Variants in RBM26 observed in about 807,000 individuals in gnomAD.
RBM26 encodes RNA binding motif protein 26.
Under a neutral mutation model 123.6 loss-of-function variants are expected in RBM26, and 30 were observed. The observed-to-expected ratio is 0.24, with a 90% CI of 0.18 to 0.33. The LOEUF is 0.33. Among genes scored for constraint, RBM26 ranks in the 10% least tolerant of loss-of-function variants. The pLI is 1.00. For synonymous variants in RBM26, 400 were observed against 404.4 expected (o/e 0.99, Z 0.13); for missense variants, 947 against 1,203.6 (o/e 0.79, Z 3.15).
chr13:79,375,081 T>TATATAAATATATATTTATATC (rs2076537649), intron 3 of RBM26, among the ~76,000 whole-genome samples: 13 of 104,366 alleles, frequency 1.2e-4, no homozygotes, highest in East Asian at 1.0e-3. Context: ...TTATATGATA[T>TATATAAATATATATTTATATC]ATATAAATAT....
intron 20 of RBM26, among the ~76,000 whole-genome samples, chr13:79,324,170 G>A (rs76363186): frequency 0.028 from 4,314 of 151,602 alleles, 166 homozygotes; most frequent in African/African-American, 0.085. Context: ...TGAGGAATTC[G>A]GAGTTAAATC....
intron 17 of RBM26, 55 bp downstream of exon 17, chr13:79,342,609 T>C: frequency 7.4e-7 from 1 of 1,347,676 alleles, no homozygotes; most frequent in Non-Finnish European, 1.0e-6. Flanking sequence ...CTTAAAAATG[T>C]AGTGTCTAAT....
intron 16 of RBM26, among the ~76,000 whole-genome samples, chr13:79,343,228 A>C (rs1328520909): frequency 6.6e-6 from 1 of 151,898 alleles, no homozygotes; most frequent in Non-Finnish European, 1.5e-5. Flanking sequence ...TCTCCAGCCC[A>C]GAAAGAACCA....
At chr13:79,335,656 T>C (rs2070234920) in intron 19 of RBM26, among the ~76,000 whole-genome samples, 1 of 152,154 alleles carries the variant, frequency 6.6e-6, no homozygotes, top group African/African-American at 2.4e-5. Flanking sequence ...ATGTGAACTT[T>C]GGAGTGAAAT....
Position 79,320,225 on chromosome 13 carries a change from C to T in RBM26, c.*396G>A. The T allele has an allele frequency of 1.0e-6, 1 of 961,770 alleles. No homozygotes were observed. The highest frequency in any genetic ancestry group is 1.2e-6 in the Non-Finnish European group (1 of 807,696). 59.6% of individuals were successfully genotyped at this position (961,770 alleles called of 1,614,324 possible). ...TATGTTATCTATTCAGTTTTGAAAACATTCATTAAGATTTTAAATGCAAAT... is the reference window on the plus strand; with the variant it reads ...TATGTTATCTATTCAGTTTTGAAAATATTCATTAAGATTTTAAATGCAAAT... On this transcript the variant is annotated 3_prime_UTR_variant, in exon 22 of 22. Transcript: ENST00000438737.
intron 19 of RBM26, among the ~76,000 whole-genome samples, chr13:79,336,849 C>G (rs968553228): frequency 8.5e-5 from 13 of 152,258 alleles, no homozygotes; most frequent in Non-Finnish European, 1.9e-4. Context: ...CTCTCTGAAA[C>G]AGCAAAGTTT....
intron 1 of RBM26, among the ~76,000 whole-genome samples, chr13:79,387,097 T>C (rs1169683597): frequency 2.0e-5 from 3 of 152,256 alleles, no homozygotes; most frequent in Middle Eastern, 3.4e-3. Context: ...TCTTTAAAAA[T>C]GAGAAATTAT....
At chr13:79,346,499 A>G (rs1248980176) in intron 14 of RBM26, among the ~76,000 whole-genome samples, 1 of 152,008 alleles carries the variant, frequency 6.6e-6, no homozygotes, top group African/African-American at 2.4e-5. Context: ...CAGCCTCCCA[A>G]GTAGCTGGGA....
chr13:79,364,914 T>G (rs982624836), intron 9 of RBM26, among the ~76,000 whole-genome samples: 1 of 152,164 alleles, frequency 6.6e-6, no homozygotes, highest in African/African-American at 2.4e-5. Flanking sequence ...TATTTGATTT[T>G]TCAAACTAGG....
At chr13:79,342,616 T>TA in intron 17 of RBM26, 48 bp downstream of exon 17, 1 of 1,429,588 alleles carries the variant, frequency 7.0e-7, no homozygotes, top group Non-Finnish European at 9.7e-7. Flanking sequence ...ATGTAGTGTC[T>TA]AATGCTTGTT....
rs1175624016 is a variant in RBM26 at position 79,366,094 on chromosome 13, G to A, written c.1237C>T (p.His413Tyr). ...VPTVVTTGIH[H>Y]QPPPAPPSLF... ...GAGGGTGGAGCAGGAGGAGGCTGGT[G>A]ATGAATGCCAGTTGTTACTACAGTA... The change falls in exon 8 of 22, where the codon CAC becomes TAC. Residue 413 changes from histidine to tyrosine, a missense_variant. By Grantham distance (83) the His-to-Tyr change is moderately conservative. Transcript: ENST00000438737. The A allele has an allele frequency of 6.2e-7, 1 of 1,614,078 alleles. No individual in the cohort carries two copies. The highest frequency in any genetic ancestry group is 8.5e-7 in the Non-Finnish European group (1 of 1,179,950).
In RBM26 at chr13:79,322,368, ACTT is replaced by A. The variant is rs762245288; in HGVS notation, c.2912_2914del (p.Glu971del). On this transcript the variant is annotated inframe_deletion, in exon 21 of 22. Transcript: ENST00000438737. ...ACATACTTCTTCTTCATCAGGCTCA[ACTT>A]CTTCTGTTTCAACAGCTGAAATATT... is the stretch of plus-strand genomic sequence containing the variant. The A allele has an allele frequency of 2.3e-5, 37 of 1,575,024 alleles. No individual in the cohort carries two copies. The highest frequency in any genetic ancestry group is 3.1e-5 in the Non-Finnish European group (36 of 1,163,704).
chr13:79,360,741 T>C (rs1057472973), intron 9 of RBM26, among the ~76,000 whole-genome samples: 2 of 152,138 alleles, frequency 1.3e-5, no homozygotes, highest in African/African-American at 4.8e-5. Flanking sequence ...TAAAATACAG[T>C]GTAAAAGAGC....
chr13:79,344,935 A>G (rs565164264), intron 14 of RBM26, 141 bp from the exon 15 acceptor site: 1 of 711,652 alleles, frequency 1.4e-6, no homozygotes, highest in Non-Finnish European at 2.1e-6. Context: ...TACTTATAAT[A>G]ACGAAATCAT....
intron 1 of RBM26, among the ~76,000 whole-genome samples, chr13:79,397,161 A>G (rs2078643111): frequency 6.6e-6 from 1 of 152,192 alleles, no homozygotes; most frequent in South Asian, 2.1e-4. Context: ...AGCCTGGGTG[A>G]GAGAATAAGA....
At chr13:79,401,346 TAAA>T (rs2140554216) in intron 1 of RBM26, among the ~76,000 whole-genome samples, 1 of 152,270 alleles carries the variant, frequency 6.6e-6, no homozygotes, top group South Asian at 2.1e-4. Context: ...AATGTCATAG[TAAA>T]AAAGTATATG....
chr13:79,370,646 AT>A (rs2075786214), intron 5 of RBM26, among the ~76,000 whole-genome samples: 1 of 152,182 alleles, frequency 6.6e-6, no homozygotes, highest in Non-Finnish European at 1.5e-5. Flanking sequence ...TAGTTTTAAT[AT>A]TTTTACATAC....
At chr13:79,322,133 A>G (rs2067745342) in intron 21 of RBM26, among the ~76,000 whole-genome samples, 1 of 151,480 alleles carries the variant, frequency 6.6e-6, no homozygotes, top group Non-Finnish European at 1.5e-5. Context: ...TTGAGTATAT[A>G]TATATGATTT....
At chr13:79,384,563 C>T (rs1231867098) in intron 1 of RBM26, among the ~76,000 whole-genome samples, 1 of 152,080 alleles carries the variant, frequency 6.6e-6, no homozygotes, top group African/African-American at 2.4e-5. Flanking sequence ...CAGCTGGCAT[C>T]TTTGTTTTTA....
Sources: gnomAD v4.1 joint callset for allele counts (sites outside exome capture counted in the v4.1 genomes callset) on GRCh38, gnomAD v4.1.1 for gene constraint, MANE v1.5 for transcripts, NCBI Gene and HGNC (gene_info 2026-07-23, HGNC 2026-07-21) for gene names.